DTNB: variants seen among roughly 807,000 people sequenced by gnomAD.
The protein encoded by DTNB is DTN-B.
A neutral mutation model predicts 90.7 loss-of-function variants in DTNB; 63 were observed. That is an observed-to-expected ratio of 0.69 (90% CI 0.57 to 0.86). DTNB has a LOEUF of 0.86. Ranked by LOEUF, DTNB falls within the 40% of genes least tolerant of loss-of-function variation. The pLI, the probability that DTNB is intolerant of heterozygous loss-of-function variation, is 0.00. For synonymous variants in DTNB, 277 were observed against 286.7 expected (o/e 0.97, Z 0.34); for missense variants, 744 against 807.1 (o/e 0.92, Z 0.95).
At chr2:25,644,061 T>C (rs2078925592) in intron 2 of DTNB, among the ~76,000 whole-genome samples, 1 of 152,186 alleles carries the variant, frequency 6.6e-6, no homozygotes, top group Non-Finnish European at 1.5e-5. Flanking sequence ...TTACCCTAGA[T>C]GGTCTAAAAA....
intron 2 of DTNB, among the ~76,000 whole-genome samples, chr2:25,640,486 C>T (rs1278602233): frequency 2.0e-5 from 3 of 152,144 alleles, no homozygotes. Context: ...CTTCAATCAA[C>T]CTTCCTCCTG....
At chr2:25,402,781 T>C (rs1437569218) in intron 16 of DTNB, among the ~76,000 whole-genome samples, 2 of 152,228 alleles carry the variant, frequency 1.3e-5, no homozygotes. Flanking sequence ...GGATGATTTG[T>C]GATCACGGTG....
intron 5 of DTNB, among the ~76,000 whole-genome samples, chr2:25,603,773 G>C (rs906153177): frequency 6.6e-6 from 1 of 152,166 alleles, no homozygotes; most frequent in Admixed American, 6.5e-5. Flanking sequence ...AAGGAGGTTG[G>C]AGCAAACAAG....
intron 10 of DTNB, among the ~76,000 whole-genome samples, chr2:25,458,479 CT>C (rs1157611617): frequency 8.6e-5 from 13 of 151,126 alleles, no homozygotes; most frequent in Non-Finnish European, 1.5e-5. Context: ...CGTAACATGT[CT>C]TTTTTTTAGG....
chr2:25,491,139 A>ACG (rs1553453728), intron 9 of DTNB, among the ~76,000 whole-genome samples: 1 of 51,740 alleles, frequency 1.9e-5, no homozygotes, highest in African/African-American at 8.8e-5. Flanking sequence ...TTATATGAGC[A>ACG]CACACACACA....
chr2:25,665,815 T>A (rs756084614), intron 1 of DTNB, among the ~76,000 whole-genome samples: 5 of 150,022 alleles, frequency 3.3e-5, no homozygotes, highest in African/African-American at 1.2e-4. Flanking sequence ...TAAATGTTCA[T>A]AAAACCTTAA....
intron 4 of DTNB, among the ~76,000 whole-genome samples, chr2:25,622,477 T>C (rs1434378583): frequency 6.6e-6 from 1 of 152,110 alleles, no homozygotes; most frequent in Non-Finnish European, 1.5e-5. Context: ...AATAAATAAA[T>C]ATATGTATTT....
intron 10 of DTNB, among the ~76,000 whole-genome samples, chr2:25,479,742 T>C (rs2064524902): frequency 6.6e-6 from 1 of 152,238 alleles, no homozygotes; most frequent in Non-Finnish European, 1.5e-5. Context: ...TCACTATTTT[T>C]ATATGCACTG....
chr2:25,596,403 A>C, intron 5 of DTNB, 163 bp from the exon 6 acceptor site: 1 of 742,460 alleles, frequency 1.3e-6, no homozygotes, highest in Middle Eastern at 4.3e-4. Context: ...CCTTATTAAC[A>C]CTGTGTGGCT....
At chr2:25,530,557 G>C (rs1331739760) in intron 9 of DTNB, among the ~76,000 whole-genome samples, 1 of 152,340 alleles carries the variant, frequency 6.6e-6, no homozygotes, top group East Asian at 1.9e-4. Context: ...ACAGCGAAGT[G>C]TGGGAGGGTA....
intron 12 of DTNB, among the ~76,000 whole-genome samples, chr2:25,434,910 T>G (rs1423327708): frequency 6.6e-6 from 1 of 152,182 alleles, no homozygotes; most frequent in Non-Finnish European, 1.5e-5. Flanking sequence ...ACTTACTACT[T>G]TTTTCTTTTA....
intron 5 of DTNB, among the ~76,000 whole-genome samples, chr2:25,598,007 A>C (rs1160096751): frequency 6.6e-6 from 1 of 152,242 alleles, no homozygotes; most frequent in Non-Finnish European, 1.5e-5. Context: ...CTTCTTCCTT[A>C]GTAACAGAAC....
At chr2:25,477,565 G>A (rs504855) in intron 10 of DTNB, among the ~76,000 whole-genome samples, 35,274 of 151,982 alleles carry the variant, frequency 0.23, 4,864 homozygotes, top group South Asian at 0.31. Context: ...TCCAAAGATG[G>A]TATTATGTCC....
In DTNB at chr2:25,387,027, G is replaced by C. The variant is rs1352245093; in HGVS notation, c.1825+262C>G. On this transcript the variant is annotated intron_variant, in intron 18 of 20. Transcript: ENST00000406818. This position sits in a 1 kb window ranked among gnomAD's most constrained non-coding sequence, Gnocchi z 4.5. ...GGAAGGGGCCTGCCTGCACTGAAAG[G>C]TCTGAATTTCTCTACATTCAGCTTG... 6.6e-6 allele frequency among the ~76,000 whole-genome samples: 1 copy of C among 152,168 alleles called. No homozygotes were observed. The highest frequency in any genetic ancestry group is 1.5e-5 in the Non-Finnish European group (1 of 68,034).
intron 9 of DTNB, among the ~76,000 whole-genome samples, chr2:25,506,382 A>C (rs151075261): frequency 3.9e-5 from 6 of 152,180 alleles, no homozygotes; most frequent in African/African-American, 9.6e-5. Context: ...TTTTAAGTTC[A>C]TGAGTACACG....
At chr2:25,483,002 A>T in intron 9 of DTNB, 129 bp from the exon 10 acceptor site, 249 of 632,456 alleles carry the variant, frequency 3.9e-4, no homozygotes, top group East Asian at 1.7e-3. Flanking sequence ...ACCCATGGGG[A>T]GGGGGGGGAC....
intron 4 of DTNB, among the ~76,000 whole-genome samples, chr2:25,618,288 T>C (rs1489995090): frequency 2.6e-5 from 4 of 152,222 alleles, no homozygotes; most frequent in Non-Finnish European, 5.9e-5. Context: ...CTCAGCACCC[T>C]GATACCGCCC....
chr2:25,542,126 T>C (rs1299908393), intron 8 of DTNB, among the ~76,000 whole-genome samples: 1 of 152,184 alleles, frequency 6.6e-6, no homozygotes, highest in Non-Finnish European at 1.5e-5. Flanking sequence ...TTTTTGGTTT[T>C]TGTTTTGAGA....
chr2:25,541,216 C>T lies in DTNB; in HGVS notation c.877-9619G>A, dbSNP rs200271378. Among the ~76,000 whole-genome samples, 38 of 152,184 alleles carry T rather than the reference C, an allele frequency of 2.5e-4. No individual in the cohort carries two copies. The East Asian group carries it at 3.5e-3, about 14-fold the overall frequency. On this transcript the variant is annotated intron_variant, in intron 8 of 20. Transcript: ENST00000406818. ...AGTTCAGGCCAGGCACAGTGGCTCA[C>T]GCCTGTAACCCCAGCACTTTGGGAG...
Sources: gnomAD v4.1 joint callset for allele counts (sites outside exome capture counted in the v4.1 genomes callset) on GRCh38, gnomAD v4.1.1 for gene constraint, Gnocchi (gnomAD v3.1) non-coding constraint, MANE v1.5 for transcripts, NCBI Gene and HGNC (gene_info 2026-07-23, HGNC 2026-07-21) for gene names.